Variants in MYH10 observed in about 807,000 individuals in gnomAD.
MYH10 encodes the protein myosin-10.
A neutral mutation model predicts 257.8 loss-of-function variants in MYH10; 55 were observed. The observed-to-expected ratio is 0.21, with a 90% CI of 0.17 to 0.27. MYH10 has a LOEUF of 0.27. MYH10 is among the 10% of genes least tolerant of loss of function. MYH10 has a pLI of 1.00. For missense variants in MYH10, 1,631 were observed against 2,500.6 expected, an observed-to-expected ratio of 0.65 and a Z score of 7.42; for synonymous variants, 854 against 921.7, an observed-to-expected ratio of 0.93 and a Z score of 1.33.
At chr17:8,486,161 G>A (rs895687917) in intron 36 of MYH10, among the ~76,000 whole-genome samples, 4 of 152,162 alleles carry the variant, frequency 2.6e-5, no homozygotes, top group African/African-American at 9.7e-5. Flanking sequence ...GTTGATTAAC[G>A]CAGGATGCAG....
At chr17:8,516,646 G>A (rs549666834) in intron 21 of MYH10, among the ~76,000 whole-genome samples, 3 of 152,232 alleles carry the variant, frequency 2.0e-5, no homozygotes, top group South Asian at 2.1e-4. Flanking sequence ...TATATACTTC[G>A]TTTCCTGCAC....
intron 8 of MYH10, among the ~76,000 whole-genome samples, chr17:8,553,587 T>C (rs2082706817): frequency 6.6e-6 from 1 of 152,226 alleles, no homozygotes; most frequent in Non-Finnish European, 1.5e-5. Context: ...TTTAACTCTG[T>C]AATCTTATAA....
chr17:8,491,474 G>A (rs1178803604), intron 34 of MYH10, among the ~76,000 whole-genome samples: 3 of 152,166 alleles, frequency 2.0e-5, no homozygotes, highest in Non-Finnish European at 2.9e-5. Flanking sequence ...GACCACCTTC[G>A]CTGACTTATG....
intron 6 of MYH10, among the ~76,000 whole-genome samples, chr17:8,574,322 A>G (rs989489547): frequency 2.6e-5 from 4 of 152,246 alleles, no homozygotes; most frequent in African/African-American, 9.6e-5. Context: ...CGAAATGTCT[A>G]GAATACGCAA....
chr17:8,594,689 G>A (rs550321445), intron 3 of MYH10, among the ~76,000 whole-genome samples: 1 of 152,210 alleles, frequency 6.6e-6, no homozygotes, highest in African/African-American at 2.4e-5. Flanking sequence ...ACCCACAGCA[G>A]ATAAAAAAAT....
At position 8,522,362 on chromosome 17, in the gene MYH10, G is replaced by GAACT. The variant is rs569085394; in HGVS notation, c.1958-1081_1958-1078dup. 1.3e-3 allele frequency among the ~76,000 whole-genome samples: 201 copies of GAACT among 152,290 alleles called. No homozygotes were observed. The South Asian group carries it at 0.015, about 11-fold the overall frequency. The stretch of plus-strand genomic sequence containing the variant: ...AACCAAGACCCCGGGAGGTAAAAGT[G>GAACT]AACTGCTCAAGTTATGCAGGTCTTC... On this transcript the variant is annotated intron_variant, in intron 17 of 42. Coordinates refer to ENST00000360416, the MANE Select transcript of MYH10 (RefSeq NM_001256012.3).
At chr17:8,584,475 G>C (rs1234745518) in intron 4 of MYH10, among the ~76,000 whole-genome samples, 1 of 152,158 alleles carries the variant, frequency 6.6e-6, no homozygotes, top group South Asian at 2.1e-4. Context: ...CAAAGAGTGG[G>C]CTGATACAAA....
rs1269199443 is a variant in MYH10 at position 8,477,130 on chromosome 17, G to A, written c.5707-82C>T. ...CTCTGTACCCCGAGCGTGGCAGTGTGGGGCTCTGCCTGTTACCCTTGTGAG... is the reference window on the plus strand; with the variant it reads ...CTCTGTACCCCGAGCGTGGCAGTGTAGGGCTCTGCCTGTTACCCTTGTGAG... On this transcript the variant is annotated intron_variant, in intron 41 of 42. Coordinates refer to ENST00000360416, the MANE Select transcript of MYH10 (RefSeq NM_001256012.3). This position sits in a 1 kb window ranked among gnomAD's most constrained non-coding sequence, Gnocchi z 4.2. The A allele has an allele frequency of 2.7e-6, 4 of 1,507,236 alleles. No homozygotes were observed. Among genetic ancestry groups the A allele is most frequent in the South Asian group, 1.2e-5 (1 of 85,216 alleles). 93.4% of individuals were successfully genotyped at this position (1,507,236 alleles called of 1,614,324 possible). A position where few individuals can be genotyped will look rare whatever the true frequency, so the allele number is the denominator to read the frequency against.
At chr17:8,594,072 CAACAAA>C (rs1234737724) in intron 3 of MYH10, among the ~76,000 whole-genome samples, 2 of 152,060 alleles carry the variant, frequency 1.3e-5, no homozygotes, top group African/African-American at 4.8e-5. Context: ...ATAGTTGTTT[CAACAAA>C]TAGTGCTAGA....
chr17:8,607,957 C>G (rs2084874886), intron 2 of MYH10, among the ~76,000 whole-genome samples: 1 of 152,110 alleles, frequency 6.6e-6, no homozygotes, highest in Non-Finnish European at 1.5e-5. Flanking sequence ...CCCAAATGGT[C>G]TTTGATGTTC....
Position 8,623,176 on chromosome 17 carries a change from G to A in MYH10, c.71C>T (p.Pro24Leu), listed in dbSNP as rs2085532070. ...LFVDRAVIYN[P>L]ATQADWTAKK... Reference sequence around the variant, plus strand: ...AGCTGTCCAATCAGCTTGAGTGGCAGGGTTGTAGATGACAGCCCTGTCCAC... The same window carrying A: ...AGCTGTCCAATCAGCTTGAGTGGCAAGGTTGTAGATGACAGCCCTGTCCAC... Residue 24 changes from proline to leucine, a missense_variant, in exon 2 of 43, where the codon CCT (proline) becomes CTT (leucine). Around this residue, in one of 11 missense-constraint regions of MYH10, gnomAD observed 360 missense variants for 581.9 expected, o/e 0.62. Coordinates refer to ENST00000360416, the MANE Select transcript of MYH10 (RefSeq NM_001256012.3). 1.9e-6 allele frequency: 3 copies of A among 1,613,590 alleles called. No homozygotes were observed. The highest frequency in any genetic ancestry group is 1.7e-6 in the Non-Finnish European group (2 of 1,179,820).
intron 3 of MYH10, 117 bp from the exon 4 acceptor site, chr17:8,589,225 C>G: frequency 9.9e-7 from 1 of 1,010,754 alleles, no homozygotes; most frequent in Non-Finnish European, 1.5e-6. Flanking sequence ...CTACTCCTCT[C>G]GAGCCAAGTT....
chr17:8,559,745 A>C (rs1333889613), intron 7 of MYH10, among the ~76,000 whole-genome samples: 1 of 152,204 alleles, frequency 6.6e-6, no homozygotes, highest in Non-Finnish European at 1.5e-5. Context: ...TAAGTTAAAA[A>C]GCTATCAATC....
In MYH10 at chr17:8,576,625, A is replaced by G. The variant is rs1404457727; in HGVS notation, c.663+18T>C. The G allele has an allele frequency of 6.5e-6, 10 of 1,549,666 alleles. No homozygotes were observed. Among genetic ancestry groups the G allele is most frequent in the Non-Finnish European group, 7.9e-6 (9 of 1,146,110 alleles). ...GTGCAAACACTCAAGACTAAGAAGC[A>G]TAAAGAAGAGCACTTGCCTGGTGTT... On this transcript the variant is annotated intron_variant, in intron 6 of 42. Transcript: ENST00000360416.
chr17:8,481,273 T>C (rs1421770896), intron 38 of MYH10, 49 bp downstream of exon 38: 26 of 1,569,526 alleles, frequency 1.7e-5, no homozygotes, highest in Non-Finnish European at 2.3e-5. Flanking sequence ...TTCTCAGCAG[T>C]GCGCGTGCCT....
intron 2 of MYH10, among the ~76,000 whole-genome samples, chr17:8,609,347 C>T (rs1412454683): frequency 2.6e-5 from 4 of 151,682 alleles, no homozygotes; most frequent in African/African-American, 7.3e-5. Context: ...AGACCACCAT[C>T]GAGAAGGAAA....
intron 2 of MYH10, among the ~76,000 whole-genome samples, chr17:8,613,423 A>G (rs2085120992): frequency 6.6e-6 from 1 of 152,212 alleles, no homozygotes; most frequent in Non-Finnish European, 1.5e-5. Context: ...TTAAACAACA[A>G]AAGCACATAA....
rs767059736 is a variant in MYH10, at chr17:8,490,446, T to C, written c.4778A>G (p.Lys1593Arg). 6.2e-7 allele frequency: 1 copy of C among 1,614,244 alleles called. No individual in the cohort carries two copies. Among genetic ancestry groups the C allele is most frequent in the Middle Eastern group, 1.6e-4 (1 of 6,062 alleles). The change falls in exon 35 of 43, where the codon AAG (lysine) becomes AGG (arginine). Residue 1593 changes from lysine to arginine, a missense_variant. Lys to Arg is a conservative substitution (Grantham distance 26). This residue lies in a region of MYH10 where 463 missense variants were observed against 621.8 expected (regional missense o/e 0.74). Transcript: ENST00000360416. This position sits in a 1 kb window ranked among gnomAD's most constrained non-coding sequence, Gnocchi z 4.1. ...CTGCATGTTGACCTCCAGACGAAGC[T>C]TGGCATCTTCCGTGGCCTGGAGTTC... The part of the protein sequence containing the change: ...EDELQATEDA[K>R]LRLEVNMQAM...
chr17:8,508,723 C>T (rs1301840758), intron 25 of MYH10, 46 bp from the exon 26 acceptor site: 2 of 1,609,596 alleles, frequency 1.2e-6, no homozygotes, highest in African/African-American at 1.3e-5. Context: ...TTCAGAATGA[C>T]CACTTGGGTT....
Sources: allele counts gnomAD v4.1 joint callset (sites outside exome capture counted in the v4.1 genomes callset), GRCh38; gene constraint gnomAD v4.1.1; regional missense constraint gnomAD v4.1.1; non-coding constraint Gnocchi (gnomAD v3.1); transcripts MANE v1.5; gene names NCBI Gene and HGNC (gene_info 2026-07-23, HGNC 2026-07-21).